Variants in LGSN observed in about 807,000 individuals in gnomAD.
LGSN encodes the protein lengsin, lens protein with glutamine synthetase domain.
Under a neutral mutation model 19.5 loss-of-function variants are expected in LGSN, and 21 were observed. The ratio of observed to expected loss-of-function variants is 1.07; its 90% confidence interval spans 0.76 to 1.55. The LOEUF is 1.55. Among genes scored for constraint, LGSN ranks in the 40% most tolerant of loss-of-function variants. The pLI, the probability that LGSN is intolerant of heterozygous loss-of-function variation, is 0.00. For missense variants in LGSN, 673 were observed against 608.5 expected, an observed-to-expected ratio of 1.11 and a Z score of -1.12; for synonymous variants, 257 against 215.6, an observed-to-expected ratio of 1.19 and a Z score of -1.68.
the LGSN span, among the ~76,000 whole-genome samples, chr6:63,435,744 A>G: frequency 8.5e-5 from 13 of 152,254 alleles, no homozygotes; most frequent in Non-Finnish European, 1.3e-4. Flanking sequence ...CGCACTCAGT[A>G]TCTTCTTAAA....
chr6:63,387,857 T>C, the LGSN span, among the ~76,000 whole-genome samples: 1 of 151,910 alleles, frequency 6.6e-6, no homozygotes, highest in Non-Finnish European at 1.5e-5. Flanking sequence ...GCCTGGCTAT[T>C]TATTTATTGA....
the LGSN span, among the ~76,000 whole-genome samples, chr6:63,427,045 CTTT>C: frequency 1.4e-4 from 20 of 141,534 alleles, no homozygotes; most frequent in African/African-American, 4.4e-4. Context: ...AGACCTTTCC[CTTT>C]TTTTTTTTTT....
At chr6:63,552,130 A>G in the LGSN span, among the ~76,000 whole-genome samples, 1 of 152,172 alleles carries the variant, frequency 6.6e-6, no homozygotes, top group Admixed American at 6.5e-5. Flanking sequence ...TGACTTCCAC[A>G]ATGGTTGAAC....
the LGSN span, among the ~76,000 whole-genome samples, chr6:63,523,479 C>A: frequency 6.6e-6 from 1 of 151,978 alleles, no homozygotes; most frequent in Non-Finnish European, 1.5e-5. Context: ...CCACTGCACT[C>A]TAGCCTGGGC....
intron 3 of LGSN, among the ~76,000 whole-genome samples, chr6:63,283,881 G>C (rs1767421015): frequency 6.6e-6 from 1 of 151,912 alleles, no homozygotes; most frequent in Admixed American, 6.6e-5. Context: ...TGTATTTTTA[G>C]TAGAGATGGG....
chr6:63,432,183 GA>G, the LGSN span, among the ~76,000 whole-genome samples: 154 of 24,926 alleles, frequency 6.2e-3, 9 homozygotes, highest in South Asian at 0.014. Context: ...AGGAAAGAAA[GA>G]AAAGAAAAGA....
upstream of LGSN, among the ~76,000 whole-genome samples, chr6:63,323,017 CTA>C (rs1769122415): frequency 1.3e-5 from 2 of 152,150 alleles, no homozygotes; most frequent in African/African-American, 4.8e-5. Flanking sequence ...CAATTTAAAA[CTA>C]GTTTAAAATC....
the LGSN span, among the ~76,000 whole-genome samples, chr6:63,446,276 C>CATGAT: frequency 7.1e-6 from 1 of 141,072 alleles, no homozygotes; most frequent in Admixed American, 7.1e-5. Flanking sequence ...GAACAGTGTA[C>CATGAT]ATGATGGCAT....
the LGSN span, among the ~76,000 whole-genome samples, chr6:63,361,498 A>T: frequency 6.6e-6 from 1 of 152,070 alleles, no homozygotes; most frequent in Non-Finnish European, 1.5e-5. Flanking sequence ...TGCTAAGACC[A>T]TCGGAAAAGC....
the LGSN span, among the ~76,000 whole-genome samples, chr6:63,544,329 A>G: frequency 6.6e-6 from 1 of 152,214 alleles, no homozygotes; most frequent in African/African-American, 2.4e-5. Flanking sequence ...CTACCTATGT[A>G]TATACATTAT....
chr6:63,511,175 G>A, the LGSN span, among the ~76,000 whole-genome samples: 2 of 151,484 alleles, frequency 1.3e-5, no homozygotes, highest in South Asian at 2.1e-4. Flanking sequence ...AAGATGATAA[G>A]ATGAGCCCAA....
the LGSN span, among the ~76,000 whole-genome samples, chr6:63,405,387 T>G: frequency 1.3e-5 from 2 of 152,212 alleles, no homozygotes; most frequent in African/African-American, 2.4e-5. Flanking sequence ...CCACACTGAC[T>G]TCCACAATGG....
chr6:63,371,996 T>C, the LGSN span, among the ~76,000 whole-genome samples: 1 of 152,262 alleles, frequency 6.6e-6, no homozygotes, highest in East Asian at 1.9e-4. Context: ...TTATTGTCAC[T>C]GATGTCTGCA....
At chr6:63,434,682 C>A in the LGSN span, among the ~76,000 whole-genome samples, 2 of 151,582 alleles carry the variant, frequency 1.3e-5, no homozygotes. Context: ...GAGTGGCAAC[C>A]CAACAAAAAG....
the LGSN span, among the ~76,000 whole-genome samples, chr6:63,553,454 C>T: frequency 1.3e-5 from 2 of 152,180 alleles, no homozygotes; most frequent in Non-Finnish European, 2.9e-5. Flanking sequence ...TAACCAGTTA[C>T]ATGGGTGGCC....
chr6:63,550,413 T>C, the LGSN span: 1 of 152,096 alleles, frequency 6.6e-6, no homozygotes, highest in Non-Finnish European at 1.5e-5. Flanking sequence ...TTCAGACGAC[T>C]CTACCTGAGG....
intron 3 of LGSN, 84 bp from the exon 4 acceptor site, chr6:63,281,304 A>ATATATATATATAT (rs1767304465): frequency 7.4e-6 from 1 of 135,468 alleles, no homozygotes; most frequent in African/African-American, 3.3e-5. Flanking sequence ...TGCTAATGAA[A>ATATATATATATAT]ATATATATAT....
At chr6:63,352,198 T>C in the LGSN span, among the ~76,000 whole-genome samples, 1 of 152,236 alleles carries the variant, frequency 6.6e-6, no homozygotes, top group African/African-American at 2.4e-5. Flanking sequence ...AATGCTTGTA[T>C]AACATCAAAA....
chr6:63,448,592 C>T, the LGSN span, among the ~76,000 whole-genome samples: 2 of 150,800 alleles, frequency 1.3e-5, no homozygotes, highest in African/African-American at 2.4e-5. Flanking sequence ...TATACACCCT[C>T]GATCATTAAA....
Sources: gnomAD v4.1 joint callset for allele counts (sites outside exome capture counted in the v4.1 genomes callset) on GRCh38, gnomAD v4.1.1 for gene constraint, MANE v1.5 for transcripts, NCBI Gene and HGNC (gene_info 2026-07-23, HGNC 2026-07-21) for gene names.